The following PRKCA variants were observed in gnomAD, a reference collection of about 807,000 sequenced individuals.
PRKCA encodes the protein protein kinase C alpha type.
A neutral mutation model predicts 87.0 loss-of-function variants in PRKCA; 27 were observed. The ratio of observed to expected loss-of-function variants is 0.31; its 90% CI spans 0.23 to 0.43. The LOEUF is 0.43. Among genes scored for constraint, PRKCA ranks in the 20% least tolerant of loss-of-function variants. The probability of loss-of-function intolerance (pLI) is 1.00; values close to 1 mark genes in which losing one functional copy is unlikely to be tolerated. For missense variants in PRKCA, 518 were observed against 852.3 expected (o/e 0.61, Z 4.88); for synonymous variants, 329 against 311.1 (o/e 1.06, Z -0.61).
chr17:66,797,164 G>A (rs1335291057), intron 16 of PRKCA, among the ~76,000 whole-genome samples: 1 of 152,110 alleles, frequency 6.6e-6, no homozygotes, highest in Non-Finnish European at 1.5e-5. Context: ...AATCAGCCAC[G>A]AAGCCAACTC....
At chr17:66,373,289 A>T (rs955378392) in intron 2 of PRKCA, among the ~76,000 whole-genome samples, 7 of 152,042 alleles carry the variant, frequency 4.6e-5, no homozygotes, top group Non-Finnish European at 1.0e-4. Context: ...GGAACGCATT[A>T]TCTCATTTAA....
chr17:66,645,606 C>G (rs1477429597), intron 5 of PRKCA, 95 bp downstream of exon 5: 7 of 1,544,160 alleles, frequency 4.5e-6, no homozygotes, highest in Non-Finnish European at 6.2e-6. Context: ...GCTGGATGCC[C>G]TGAGGCCTCT....
chr17:66,313,313 G>T (rs575145256), intron 2 of PRKCA, among the ~76,000 whole-genome samples: 46 of 152,212 alleles, frequency 3.0e-4, no homozygotes, highest in African/African-American at 7.2e-4. Context: ...ATCCAAAGTT[G>T]TGCCAACTAA....
chr17:66,732,589 C>T (rs9912154), intron 8 of PRKCA, 99 bp from the exon 9 acceptor site: 183,632 of 1,478,198 alleles, frequency 0.12, 15,211 homozygotes, highest in East Asian at 0.4. Context: ...CCCATCCCAC[C>T]TCCAAGCAAA....
chr17:66,338,089 G>A (rs1209981534), intron 2 of PRKCA, among the ~76,000 whole-genome samples: 1 of 151,290 alleles, frequency 6.6e-6, no homozygotes, highest in Non-Finnish European at 1.5e-5. Context: ...TCCTCTAGCG[G>A]TTCTTGCTGA....
At chr17:66,688,488 CA>C (rs751225221) in intron 7 of PRKCA, 52 bp downstream of exon 7, 1 of 1,605,580 alleles carries the variant, frequency 6.2e-7, no homozygotes. Flanking sequence ...ACCATTTAGA[CA>C]GTTAGGTTTC....
chr17:66,310,192 C>T (rs1905024816), intron 2 of PRKCA, among the ~76,000 whole-genome samples: 1 of 147,946 alleles, frequency 6.8e-6, no homozygotes, highest in South Asian at 2.2e-4. Flanking sequence ...GCCTAACCTC[C>T]ACTTGTTTTC....
At chr17:66,475,296 C>G (rs1262514436) in intron 2 of PRKCA, among the ~76,000 whole-genome samples, 1 of 152,120 alleles carries the variant, frequency 6.6e-6, no homozygotes, top group East Asian at 1.9e-4. Flanking sequence ...TAATATACCT[C>G]TGTTAATGCA....
intron 8 of PRKCA, among the ~76,000 whole-genome samples, chr17:66,698,847 G>T (rs1314455211): frequency 6.6e-6 from 1 of 150,638 alleles, no homozygotes; most frequent in African/African-American, 2.4e-5. Flanking sequence ...TAGGTGTAGT[G>T]GTGCATGCCT....
chr17:66,341,270 A>G (rs977043080), intron 2 of PRKCA, among the ~76,000 whole-genome samples: 1 of 152,204 alleles, frequency 6.6e-6, no homozygotes, highest in African/African-American at 2.4e-5. Flanking sequence ...GGCAGCAGAC[A>G]GTAAATATTA....
At chr17:66,353,487 G>A (rs774981137) in intron 2 of PRKCA, among the ~76,000 whole-genome samples, 7 of 152,244 alleles carry the variant, frequency 4.6e-5, no homozygotes, top group East Asian at 3.9e-4. Context: ...AGGCTGAGGC[G>A]GGTGGATCAC....
intron 3 of PRKCA, among the ~76,000 whole-genome samples, chr17:66,584,276 C>CAGT (rs3064599): frequency 0.34 from 51,712 of 151,828 alleles, 9,178 homozygotes; most frequent in African/African-American, 0.4. Context: ...GGCTGGAGTG[C>CAGT]AGTGGCTTGA....
chr17:66,681,902 C>T (rs991330516), intron 5 of PRKCA, among the ~76,000 whole-genome samples: 15 of 152,180 alleles, frequency 9.9e-5, no homozygotes, highest in South Asian at 4.1e-4. Context: ...CGGTCACTCC[C>T]GCCTGGCTTC....
At chr17:66,472,385 G>A (rs1170706650) in intron 2 of PRKCA, among the ~76,000 whole-genome samples, 2 of 152,152 alleles carry the variant, frequency 1.3e-5, no homozygotes, top group African/African-American at 2.4e-5. Context: ...CAGCCCACCC[G>A]CCTCTGCACA....
chr17:66,632,014 C>T (rs899109256), intron 3 of PRKCA, among the ~76,000 whole-genome samples: 2 of 152,054 alleles, frequency 1.3e-5, no homozygotes, highest in Non-Finnish European at 2.9e-5. Flanking sequence ...CTTCATAGTG[C>T]CTTCATATAG....
intron 2 of PRKCA, among the ~76,000 whole-genome samples, chr17:66,411,854 G>GGGCC (rs111553913): frequency 0.74 from 105,919 of 143,460 alleles, 37,288 homozygotes; most frequent in South Asian, 0.79. Flanking sequence ...TCTGAGCAAT[G>GGGCC]GGCCGCCTAC....
At chr17:66,311,215 A>G (rs1204555573) in intron 2 of PRKCA, among the ~76,000 whole-genome samples, 1 of 152,232 alleles carries the variant, frequency 6.6e-6, no homozygotes, top group Non-Finnish European at 1.5e-5. Context: ...TTTGAAACCT[A>G]GAGTTTTTGT....
At chr17:66,510,249 C>T (rs957154311) in intron 3 of PRKCA, among the ~76,000 whole-genome samples, 4 of 152,142 alleles carry the variant, frequency 2.6e-5, no homozygotes, top group Non-Finnish European at 5.9e-5. Context: ...TTACAAGTTA[C>T]CATCTTTAGA....
intron 2 of PRKCA, among the ~76,000 whole-genome samples, chr17:66,337,953 C>A (rs1391193794): frequency 4.0e-5 from 6 of 151,812 alleles, no homozygotes; most frequent in Non-Finnish European, 8.8e-5. Flanking sequence ...AAATTTGTAA[C>A]CAGTATGGAG....
Sources: allele counts gnomAD v4.1 joint callset (sites outside exome capture counted in the v4.1 genomes callset), GRCh38; gene constraint gnomAD v4.1.1; transcripts MANE v1.5; gene names NCBI Gene and HGNC (gene_info 2026-07-23, HGNC 2026-07-21).